The following SLC38A12 variants were observed in gnomAD, a reference collection of about 807,000 sequenced individuals.
The protein encoded by SLC38A12 is solute carrier family 38 member 12.
At chr17:74,812,460 C>T in the SLC38A12 span, among the ~76,000 whole-genome samples, 2 of 152,226 alleles carry the variant, frequency 1.3e-5, no homozygotes, top group African/African-American at 4.8e-5. Flanking sequence ...CGTTTCTTCA[C>T]TACACTTCAA....
At chr17:74,835,944 G>T in the SLC38A12 span, 3 of 1,608,534 alleles carry the variant, frequency 1.9e-6, no homozygotes, top group African/African-American at 2.7e-5. Flanking sequence ...CGTCATGATT[G>T]TGCTGGCCCT....
At chr17:74,801,254 T>C in the SLC38A12 span, among the ~76,000 whole-genome samples, 5,067 of 152,346 alleles carry the variant, frequency 0.033, 118 homozygotes, top group East Asian at 0.11. Flanking sequence ...GGGTTTGTTT[T>C]GCCTTTCACC....
chr17:74,829,175 G>A, the SLC38A12 span, among the ~76,000 whole-genome samples: 2 of 152,116 alleles, frequency 1.3e-5, no homozygotes, highest in Non-Finnish European at 2.9e-5. This position sits in a 1 kb window ranked among gnomAD's most constrained non-coding sequence, Gnocchi z 4.1. Flanking sequence ...CCAGGCTGGA[G>A]TGCAGTGGCG....
the SLC38A12 span, among the ~76,000 whole-genome samples, chr17:74,781,025 G>T: frequency 2.6e-5 from 4 of 152,152 alleles, no homozygotes; most frequent in Admixed American, 1.3e-4. Context: ...AGACATTTTT[G>T]ATTGTCAGGA....
chr17:74,837,296 G>T, the SLC38A12 span: 1 of 985,556 alleles, frequency 1.0e-6, no homozygotes, highest in Non-Finnish European at 1.2e-6. Context: ...ACTGGTACCA[G>T]AGTCCCCAGA....
the SLC38A12 span, among the ~76,000 whole-genome samples, chr17:74,804,452 C>T: frequency 1.2e-4 from 18 of 152,338 alleles, no homozygotes; most frequent in African/African-American, 4.1e-4. Context: ...CAGAGAGGTG[C>T]GAGGGACTCG....
At chr17:74,836,590 T>A in the SLC38A12 span, 1 of 1,612,716 alleles carries the variant, frequency 6.2e-7, no homozygotes, top group Non-Finnish European at 8.5e-7. The surrounding 1 kb of genome is among the most constrained non-coding windows in gnomAD (Gnocchi z 4.2). Flanking sequence ...AGGTCCCCTT[T>A]CCGCCACACC....
the SLC38A12 span, among the ~76,000 whole-genome samples, chr17:74,807,094 C>G: frequency 6.6e-6 from 1 of 152,114 alleles, no homozygotes; most frequent in Non-Finnish European, 1.5e-5. Flanking sequence ...AGCCTTCTCT[C>G]TCCCCCAGAC....
chr17:74,839,163 G>A, the SLC38A12 span: 13 of 1,508,638 alleles, frequency 8.6e-6, no homozygotes, highest in Non-Finnish European at 1.2e-5. Flanking sequence ...AGCAGCAGCT[G>A]CCAGCTTATA....
At chr17:74,790,036 C>G in the SLC38A12 span, among the ~76,000 whole-genome samples, 1 of 151,484 alleles carries the variant, frequency 6.6e-6, no homozygotes, top group Non-Finnish European at 1.5e-5. Flanking sequence ...TCACTGCAGC[C>G]TCGATCTCCT....
At chr17:74,805,279 T>C in the SLC38A12 span, among the ~76,000 whole-genome samples, 1 of 152,182 alleles carries the variant, frequency 6.6e-6, no homozygotes, top group Non-Finnish European at 1.5e-5. This position sits in a 1 kb window ranked among gnomAD's most constrained non-coding sequence, Gnocchi z 5.0. Flanking sequence ...CTGGGCAACC[T>C]ACAGGTGCTG....
chr17:74,779,695 C>A, the SLC38A12 span, among the ~76,000 whole-genome samples: 2 of 152,172 alleles, frequency 1.3e-5, no homozygotes, highest in Non-Finnish European at 2.9e-5. Flanking sequence ...AGAGCTCTGC[C>A]CTGGCTGCCT....
chr17:74,823,965 C>T, the SLC38A12 span, among the ~76,000 whole-genome samples: 3 of 152,244 alleles, frequency 2.0e-5, no homozygotes, highest in Non-Finnish European at 4.4e-5. Context: ...GCACAGTGTG[C>T]AGAGGGGGCC....
At chr17:74,811,952 G>A in the SLC38A12 span, among the ~76,000 whole-genome samples, 5 of 151,728 alleles carry the variant, frequency 3.3e-5, no homozygotes, top group Non-Finnish European at 7.4e-5. Flanking sequence ...AGGCTTAGGC[G>A]GGCAGATCGC....
chr17:74,830,499 T>C, the SLC38A12 span, among the ~76,000 whole-genome samples: 1 of 152,298 alleles, frequency 6.6e-6, no homozygotes, highest in South Asian at 2.1e-4. Context: ...TCTCTTCGCT[T>C]CTCTTCTGAC....
At chr17:74,820,266 A>G in the SLC38A12 span, among the ~76,000 whole-genome samples, 2 of 152,238 alleles carry the variant, frequency 1.3e-5, no homozygotes, top group Non-Finnish European at 2.9e-5. Context: ...TGAGTGTGCT[A>G]TGTGGCATAA....
chr17:74,777,156 C>G, the SLC38A12 span: 2 of 713,274 alleles, frequency 2.8e-6, no homozygotes, highest in South Asian at 1.6e-5. Context: ...TACTGAGGCC[C>G]TAAGTGTCTG....
At chr17:74,787,086 T>C in the SLC38A12 span, among the ~76,000 whole-genome samples, 2 of 152,306 alleles carry the variant, frequency 1.3e-5, no homozygotes, top group Non-Finnish European at 2.9e-5. Context: ...GCCCTTAAAA[T>C]GGTCACTTAG....
the SLC38A12 span, among the ~76,000 whole-genome samples, chr17:74,799,084 G>T: frequency 2.0e-5 from 3 of 152,068 alleles, no homozygotes; most frequent in South Asian, 2.1e-4. Context: ...CCTTATTCCT[G>T]CATCACCTCC....
Sources: allele counts gnomAD v4.1 joint callset (sites outside exome capture counted in the v4.1 genomes callset), GRCh38; gene constraint gnomAD v4.1.1; non-coding constraint Gnocchi (gnomAD v3.1); transcripts MANE v1.5; gene names NCBI Gene and HGNC (gene_info 2026-07-23, HGNC 2026-07-21).